Variants in RIMS2 observed in about 807,000 individuals in gnomAD.
RIMS2 encodes the protein regulating synaptic membrane exocytosis 2.
Under a neutral mutation model 174.4 loss-of-function variants are expected in RIMS2, and 59 were observed. That is an observed-to-expected ratio of 0.34 (90% confidence interval 0.27 to 0.42). RIMS2 has a LOEUF of 0.42. RIMS2 is among the 10% of genes least tolerant of loss of function. The pLI, the probability that RIMS2 is intolerant of heterozygous loss-of-function variation, is 1.00. For missense variants in RIMS2, 1,620 were observed against 1,666.3 expected (o/e 0.97, Z 0.48); for synonymous variants, 606 against 572.5 (o/e 1.06, Z -0.84).
intron 4 of RIMS2, among the ~76,000 whole-genome samples, chr8:103,897,242 G>T (rs2099289368): frequency 6.6e-6 from 1 of 151,582 alleles, no homozygotes; most frequent in Non-Finnish European, 1.5e-5. Context: ...AAAGTGGATG[G>T]CCATCTGAAG....
Position 103,902,455 on chromosome 8 carries a change from A to G in RIMS2, c.1625-7679A>G, listed in dbSNP as rs561869073. Among the ~76,000 whole-genome samples the G allele has an allele frequency of 2.0e-5, 3 of 152,236 alleles. No individual in the cohort carries two copies. In the South Asian group the frequency reaches 6.2e-4, roughly 32 times the overall value. ...CCATGAATACCATGAGGTGGGGATT[A>G]TGGGCTACAATCAGTCCTCTGCACA... On this transcript the variant is annotated intron_variant, in intron 4 of 23. Transcript: ENST00000504942.
At chr8:104,012,701 T>G (rs2095800629) in intron 17 of RIMS2, among the ~76,000 whole-genome samples, 2 of 152,150 alleles carry the variant, frequency 1.3e-5, no homozygotes, top group South Asian at 4.1e-4. Flanking sequence ...AGGTCAACAA[T>G]GAGAGGTTGC....
chr8:104,050,990 C>G (rs951332125), intron 19 of RIMS2, among the ~76,000 whole-genome samples: 2 of 152,116 alleles, frequency 1.3e-5, no homozygotes, highest in African/African-American at 4.8e-5. Context: ...AATCCCAGCA[C>G]TTCAGGAGTC....
At chr8:103,941,786 A>C (rs550595417) in intron 13 of RIMS2, among the ~76,000 whole-genome samples, 2 of 152,266 alleles carry the variant, frequency 1.3e-5, no homozygotes, top group East Asian at 3.9e-4. Flanking sequence ...TAAATACAGA[A>C]TTTTAAATAA....
rs541810392 is a variant in RIMS2, at chr8:103,916,674, C to G, written c.2036+137C>G. The stretch of plus-strand genomic sequence containing the variant: ...ACAATAACTTTTTCTCTTTCCTTAA[C>G]AAAAGCACCACACCAAAAATAATGA... On this transcript the variant is annotated intron_variant, in intron 8 of 23. Coordinates refer to ENST00000504942, the Ensembl canonical transcript of RIMS2. 33 of 615,950 alleles carry G rather than the reference C, an allele frequency of 5.4e-5. No individual in the cohort carries two copies. In the Admixed American group the frequency reaches 6.2e-4, roughly 12 times the overall value. 38.2% of individuals were successfully genotyped at this position (615,950 alleles called of 1,614,324 possible).
At chr8:103,552,770 C>G (rs1848610943) in intron 1 of RIMS2, among the ~76,000 whole-genome samples, 1 of 152,112 alleles carries the variant, frequency 6.6e-6, no homozygotes, top group Non-Finnish European at 1.5e-5. Context: ...ACAACCCCAT[C>G]AAAAAGTGGG....
intron 19 of RIMS2, among the ~76,000 whole-genome samples, chr8:104,110,576 A>T (rs1446674988): frequency 1.3e-5 from 2 of 152,208 alleles, no homozygotes; most frequent in East Asian, 3.8e-4. Context: ...TCTCTTGTTA[A>T]GTCTTTTTAA....
At chr8:104,023,000 T>C (rs1468296684) in intron 19 of RIMS2, among the ~76,000 whole-genome samples, 1 of 152,220 alleles carries the variant, frequency 6.6e-6, no homozygotes, top group South Asian at 2.1e-4. Context: ...AATTAAGATT[T>C]GGTTATTCAG....
exon 18 of RIMS2, chr8:104,013,515 A>T: frequency 6.2e-7 from 1 of 1,613,544 alleles, no homozygotes; most frequent in Non-Finnish European, 8.5e-7. Context: ...CCTTGAGCGG[A>T]CCACCACCCG....
At position 103,650,568 on chromosome 8, in the gene RIMS2, G is replaced by C. The variant is rs530941124; in HGVS notation, c.177-46518G>C. 1.9e-4 allele frequency among the ~76,000 whole-genome samples: 29 copies of C among 152,336 alleles called. 1 individual carries two copies. Among genetic ancestry groups the C allele is most frequent in the Middle Eastern group, 3.4e-3 (1 of 294 alleles). On this transcript the variant is annotated intron_variant, in intron 1 of 23. Coordinates refer to ENST00000504942, the Ensembl canonical transcript of RIMS2. ...GAGAACCCCTGGGAGCTTCATCCCT[G>C]AGAAAGATCAAAGCTCTGTCCGGAG...
At chr8:103,570,127 G>A (rs149932884) in intron 1 of RIMS2, among the ~76,000 whole-genome samples, 2 of 152,174 alleles carry the variant, frequency 1.3e-5, no homozygotes, top group East Asian at 1.9e-4. Flanking sequence ...AACTGCATTA[G>A]GTAACCCTTC....
chr8:104,223,817 T>G, intron 19 of RIMS2: 5 of 1,580,122 alleles, frequency 3.2e-6, no homozygotes, highest in African/African-American at 1.3e-5. Flanking sequence ...TCCCCCGTAG[T>G]TGGTGTCTCT....
intron 1 of RIMS2, among the ~76,000 whole-genome samples, chr8:103,581,003 T>C (rs973589251): frequency 6.6e-6 from 1 of 151,908 alleles, no homozygotes; most frequent in African/African-American, 2.4e-5. Flanking sequence ...CTAATTTTTT[T>C]GTATTTTTAG....
At chr8:104,131,901 T>C (rs1224727296) in intron 19 of RIMS2, among the ~76,000 whole-genome samples, 4 of 152,184 alleles carry the variant, frequency 2.6e-5, no homozygotes, top group Non-Finnish European at 5.9e-5. Flanking sequence ...ATACAAGCAC[T>C]ATAGAATTTT....
chr8:103,668,565 AGT>A (rs35887428), intron 1 of RIMS2, among the ~76,000 whole-genome samples: 3 of 151,222 alleles, frequency 2.0e-5, no homozygotes, highest in African/African-American at 4.9e-5. Flanking sequence ...CCAGTTTGTA[AGT>A]GTGTGTGTGT....
At chr8:104,161,872 T>G (rs1266267634) in intron 19 of RIMS2, among the ~76,000 whole-genome samples, 2 of 152,228 alleles carry the variant, frequency 1.3e-5, no homozygotes, top group African/African-American at 4.8e-5. Context: ...GGTTCCCATT[T>G]TCCTGGACAT....
chr8:104,093,708 G>T (rs985380858), intron 19 of RIMS2, 65 bp downstream of exon 24: 2 of 1,260,440 alleles, frequency 1.6e-6, no homozygotes, highest in Admixed American at 2.3e-5. Flanking sequence ...TTTCCCGGAT[G>T]AACATAAAAT....
intron 17 of RIMS2, 25 bp downstream of exon 19, chr8:103,989,446 A>G: frequency 8.5e-7 from 1 of 1,174,646 alleles, no homozygotes; most frequent in Non-Finnish European, 1.3e-6. Context: ...ATACTATTAG[A>G]CCTTATTATT....
At chr8:103,616,300 CTT>C (rs1246839598) in intron 1 of RIMS2, among the ~76,000 whole-genome samples, 2 of 152,122 alleles carry the variant, frequency 1.3e-5, no homozygotes, top group African/African-American at 4.8e-5. Flanking sequence ...GCAGAAAAGG[CTT>C]TTGATAAAAT....
Sources: allele counts gnomAD v4.1 joint callset (sites outside exome capture counted in the v4.1 genomes callset), GRCh38; gene constraint gnomAD v4.1.1; transcripts MANE v1.5; gene names NCBI Gene and HGNC (gene_info 2026-07-23, HGNC 2026-07-21).